SLC8A3: variants seen among roughly 807,000 people sequenced by gnomAD.
The protein encoded by SLC8A3 is solute carrier family 8 member A3, also known as sodium/calcium exchanger 3.
Under a neutral mutation model 65.4 loss-of-function variants are expected in SLC8A3, and 37 were observed. That is an observed-to-expected ratio of 0.57 (90% CI 0.44 to 0.74). SLC8A3 has a LOEUF of 0.74. Ranked by LOEUF, SLC8A3 falls within the 30% of genes least tolerant of loss-of-function variation. The probability of loss-of-function intolerance (pLI) is 0.00; values close to 1 mark genes in which losing one functional copy is unlikely to be tolerated. For synonymous variants in SLC8A3, 461 were observed against 444.5 expected (o/e 1.04, Z -0.47); for missense variants, 1,112 against 1,172.1 (o/e 0.95, Z 0.75).
intron 2 of SLC8A3, among the ~76,000 whole-genome samples, chr14:70,118,651 G>C (rs73276739): frequency 0.061 from 9,296 of 152,250 alleles, 342 homozygotes; most frequent in African/African-American, 0.097. Context: ...CTCTTCTTCT[G>C]TTTCTTAACC....
At chr14:70,158,235 GAAC>G (rs1896690083) in intron 2 of SLC8A3, among the ~76,000 whole-genome samples, 1 of 152,202 alleles carries the variant, frequency 6.6e-6, no homozygotes, top group Non-Finnish European at 1.5e-5. Context: ...GAAATAATGT[GAAC>G]AACAATGAAG....
intron 5 of SLC8A3, among the ~76,000 whole-genome samples, chr14:70,049,949 G>A (rs963387716): frequency 6.6e-6 from 1 of 152,234 alleles, no homozygotes; most frequent in Non-Finnish European, 1.5e-5. Context: ...TGGAGGGGAG[G>A]GTATGCTGAG....
intron 2 of SLC8A3, among the ~76,000 whole-genome samples, chr14:70,078,605 A>G (rs991667883): frequency 1.2e-4 from 18 of 152,148 alleles, no homozygotes; most frequent in African/African-American, 4.3e-4. Flanking sequence ...TGGCTGGCTG[A>G]CTTTAAGCTG....
At chr14:70,135,727 G>C (rs1895151320) in intron 2 of SLC8A3, among the ~76,000 whole-genome samples, 1 of 152,096 alleles carries the variant, frequency 6.6e-6, no homozygotes, top group African/African-American at 2.4e-5. Context: ...GAGTAGATTG[G>C]TGGTTACCAG....
At chr14:70,056,927 G>A (rs2046397328) in intron 3 of SLC8A3, among the ~76,000 whole-genome samples, 3 of 152,164 alleles carry the variant, frequency 2.0e-5, no homozygotes, top group South Asian at 4.1e-4. Flanking sequence ...TCATTTCTAT[G>A]ATATCTTAGT....
chr14:70,051,595 G>A lies in SLC8A3; in HGVS notation c.2013+395C>T, dbSNP rs1365403139. On this transcript the variant is annotated intron_variant, in intron 4 of 6. Coordinates refer to ENST00000356921, the MANE Select transcript of SLC8A3 (RefSeq NM_182932.3). ...AGATTACAGGCGTGAGTCCCTCACT[G>A]CCTGGCCTGGTTGTGACTTTTGAAA... 2.6e-5 allele frequency among the ~76,000 whole-genome samples: 4 copies of A among 152,262 alleles called. No individual in the cohort carries two copies. In the East Asian group the frequency reaches 5.8e-4, roughly 22 times the overall value.
chr14:70,046,246 C>T lies in SLC8A3; in HGVS notation c.2467G>A (p.Ala823Thr), dbSNP rs753014273. The T allele has an allele frequency of 9.9e-6, 16 of 1,614,036 alleles. No individual in the cohort carries two copies. In the African/African-American group the frequency reaches 1.7e-4, roughly 17 times the overall value. ...CCGATGCCCAGGAAGACATTGACGGCGTTGCTGCCCGTCACGTTGCCAATG... is the reference window on the plus strand; with the variant it reads ...CCGATGCCCAGGAAGACATTGACGGTGTTGCTGCCCGTCACGTTGCCAATG... ...ASIGNVTGSN[A>T]VNVFLGIGLA... Residue 823 changes from alanine to threonine, a missense_variant, in exon 7 of 7, where the codon GCC becomes ACC. Ala to Thr is a moderately conservative substitution (Grantham distance 58, BLOSUM62 0). Transcript: ENST00000356921. The surrounding 1 kb of genome is among the most constrained non-coding windows in gnomAD (Gnocchi z 4.2).
Position 70,046,570 on chromosome 14 carries a change from C to A in SLC8A3, c.2390-247G>T, listed in dbSNP as rs779106959. The stretch of plus-strand genomic sequence containing the variant: ...GATCTGAAAGATTCTGAAGGGCTTT[C>A]CAGTTCTGATATTTACTGAGTGGGC... On this transcript the variant is annotated intron_variant, in intron 6 of 6. Transcript: ENST00000356921. This position sits in a 1 kb window ranked among gnomAD's most constrained non-coding sequence, Gnocchi z 4.2. 35 of 457,054 alleles carry A rather than the reference C, an allele frequency of 7.7e-5. No homozygotes were observed. The highest frequency in any genetic ancestry group is 1.2e-4 in the Non-Finnish European group (30 of 257,680). The allele number at this position is 457,054 out of a possible 1,614,324, so 28.3% of individuals were successfully genotyped here.
chr14:70,054,512 AG>A (rs892376169), intron 3 of SLC8A3, among the ~76,000 whole-genome samples: 2 of 149,258 alleles, frequency 1.3e-5, no homozygotes, highest in African/African-American at 2.5e-5. Context: ...CATTTATGTG[AG>A]GGGGGGCGGG....
intron 2 of SLC8A3, among the ~76,000 whole-genome samples, chr14:70,065,235 A>G (rs1476694274): frequency 6.6e-6 from 1 of 152,162 alleles, no homozygotes; most frequent in Non-Finnish European, 1.5e-5. Context: ...CCAAGTCACC[A>G]TTAGAGCTTT....
intron 2 of SLC8A3, among the ~76,000 whole-genome samples, chr14:70,128,791 G>A (rs761704970): frequency 9.2e-5 from 14 of 152,014 alleles, no homozygotes; most frequent in Non-Finnish European, 1.5e-4. Context: ...CTTTATTTTA[G>A]CTCTTACCTT....
chr14:70,147,436 A>G (rs1459530177), intron 2 of SLC8A3, among the ~76,000 whole-genome samples: 2 of 152,204 alleles, frequency 1.3e-5, no homozygotes, highest in East Asian at 3.8e-4. Context: ...CATGCCCTAT[A>G]TAATCCCCTC....
At position 70,046,201 on chromosome 14, in the gene SLC8A3, C is replaced by T. The variant is rs377742014; in HGVS notation, c.2512G>A (p.Ala838Thr). The T allele has an allele frequency of 4.3e-6, 7 of 1,614,040 alleles. No homozygotes were observed. The highest frequency in any genetic ancestry group is 4.0e-5 in the African/African-American group (3 of 74,926). ...TGTCCCTGCAGAGCCCAGTAGATGG[C>T]GGCCACGGACCAGGCCAGGCCGATG... is the stretch of plus-strand genomic sequence containing the variant. ...LGIGLAWSVA[A>T]IYWALQGQEF... Residue 838 changes from alanine (A) to threonine (T), a missense_variant, in exon 7 of 7, where the codon GCC becomes ACC. By Grantham distance (58) the Ala-to-Thr change is moderately conservative. Transcript: ENST00000356921. This position sits in a 1 kb window ranked among gnomAD's most constrained non-coding sequence, Gnocchi z 4.2.
intron 2 of SLC8A3, among the ~76,000 whole-genome samples, chr14:70,112,476 G>A (rs1306941925): frequency 6.6e-6 from 1 of 152,170 alleles, no homozygotes; most frequent in African/African-American, 2.4e-5. Context: ...AGGATTTGCG[G>A]TGGAGACAAT....
intron 2 of SLC8A3, among the ~76,000 whole-genome samples, chr14:70,154,275 C>G (rs1385915261): frequency 1.3e-5 from 2 of 152,162 alleles, no homozygotes; most frequent in African/African-American, 4.8e-5. Context: ...ATCAGAAGAT[C>G]TAGGGCTAAA....
intron 2 of SLC8A3, among the ~76,000 whole-genome samples, chr14:70,131,435 C>G (rs963678766): frequency 6.6e-6 from 1 of 152,182 alleles, no homozygotes; most frequent in African/African-American, 2.4e-5. Context: ...AACTTCCAAG[C>G]CTGTTTCTTC....
intron 2 of SLC8A3, among the ~76,000 whole-genome samples, chr14:70,090,331 AATTATC>A (rs2140054824): frequency 6.6e-6 from 1 of 152,298 alleles, no homozygotes; most frequent in South Asian, 2.1e-4. Context: ...CCAAGTGAAT[AATTATC>A]AGTACTTAAA....
intron 6 of SLC8A3, chr14:70,048,517 C>G: frequency 1.6e-6 from 1 of 623,886 alleles, no homozygotes; most frequent in Non-Finnish European, 2.9e-6. Context: ...GGAAACATTA[C>G]AGGGGGAAAA....
At chr14:70,147,792 C>A (rs1017607632) in intron 2 of SLC8A3, among the ~76,000 whole-genome samples, 2 of 152,320 alleles carry the variant, frequency 1.3e-5, no homozygotes, top group African/African-American at 2.4e-5. Flanking sequence ...ACCTTAACTG[C>A]AGCTAAATTG....
Sources: allele counts gnomAD v4.1 joint callset (sites outside exome capture counted in the v4.1 genomes callset), GRCh38; gene constraint gnomAD v4.1.1; non-coding constraint Gnocchi (gnomAD v3.1); transcripts MANE v1.5; gene names NCBI Gene and HGNC (gene_info 2026-07-23, HGNC 2026-07-21).